The following AZIN2 variants were observed in gnomAD, a reference collection of about 807,000 sequenced individuals.
AZIN2 encodes ODC antizyme inhibitor-2.
In AZIN2, 28 loss-of-function variants were observed where a neutral mutation model predicts 47.8. The observed-to-expected ratio is 0.59, with a 90% CI of 0.43 to 0.80. The LOEUF (loss-of-function observed/expected upper bound fraction) is 0.80. Among genes scored for constraint, AZIN2 ranks in the 30% least tolerant of loss-of-function variants. AZIN2 has a pLI of 0.00. For synonymous variants in AZIN2, 221 were observed against 239.4 expected, an observed-to-expected ratio of 0.92 and a Z score of 0.71; for missense variants, 535 against 582.5, an observed-to-expected ratio of 0.92 and a Z score of 0.84.
the AZIN2 span, chr1:33,147,629 G>A: frequency 6.2e-7 from 1 of 1,614,024 alleles, no homozygotes; most frequent in Non-Finnish European, 8.5e-7. This position sits in a 1 kb window ranked among gnomAD's most constrained non-coding sequence, Gnocchi z 8.1. Context: ...TCCTGCAGTG[G>A]CTGTGGGTGC....
rs955030720 is a variant in AZIN2 at position 33,122,017 on chromosome 1, G to T, written c.*1835G>T. Among the ~76,000 whole-genome samples, 1 of 152,104 alleles carries T rather than the reference G, an allele frequency of 6.6e-6. No homozygotes were observed. The highest frequency in any genetic ancestry group is 1.5e-5 in the Non-Finnish European group (1 of 68,030). On this transcript the variant is annotated 3_prime_UTR_variant, in exon 12 of 12. Coordinates refer to ENST00000294517, the MANE Select transcript of AZIN2 (RefSeq NM_052998.4). ...AAGCTTGGGACATCAAAAGACTCAG[G>T]GCAATCAGAAAGGGTTACTCTACTA...
At chr1:33,157,254 G>T in the AZIN2 span, among the ~76,000 whole-genome samples, 1 of 152,040 alleles carries the variant, frequency 6.6e-6, no homozygotes, top group African/African-American at 2.4e-5. Context: ...CTCCAGCCAC[G>T]TTAACCTCCT....
chr1:33,092,319 C>A, intron 6 of AZIN2, 97 bp downstream of exon 6: 2 of 442,608 alleles, frequency 4.5e-6, no homozygotes, highest in Non-Finnish European at 5.8e-6. Flanking sequence ...GGAGGCTGGG[C>A]TGAGGGAAGG....
chr1:33,159,776 C>A, the AZIN2 span: 1 of 1,613,784 alleles, frequency 6.2e-7, no homozygotes, highest in Non-Finnish European at 8.5e-7. This position sits in a 1 kb window ranked among gnomAD's most constrained non-coding sequence, Gnocchi z 4.2. Context: ...CCCTCCTGGA[C>A]CTTGCGCAGC....
chr1:33,138,898 G>A, the AZIN2 span, among the ~76,000 whole-genome samples: 1 of 152,160 alleles, frequency 6.6e-6, no homozygotes, highest in East Asian at 1.9e-4. Context: ...GGAAAGGGTT[G>A]GGCTTCTACT....
chr1:33,155,292 G>A, the AZIN2 span, among the ~76,000 whole-genome samples: 1 of 151,712 alleles, frequency 6.6e-6, no homozygotes, highest in Non-Finnish European at 1.5e-5. Context: ...GGCTGGTCTC[G>A]AACTCCTGAC....
the AZIN2 span, among the ~76,000 whole-genome samples, chr1:33,153,435 C>T: frequency 6.6e-6 from 1 of 152,210 alleles, no homozygotes; most frequent in Non-Finnish European, 1.5e-5. Context: ...GGACATCTGG[C>T]AAAGTCCAGA....
intron 6 of AZIN2, 58 bp from the exon 7 acceptor site, chr1:33,093,224 G>A: frequency 6.2e-7 from 1 of 1,602,770 alleles, no homozygotes; most frequent in Non-Finnish European, 8.5e-7. Flanking sequence ...ATTGAGAGAT[G>A]TGGCTGGGGT....
At chr1:33,151,542 T>C in the AZIN2 span, among the ~76,000 whole-genome samples, 1,208 of 152,262 alleles carry the variant, frequency 7.9e-3, 14 homozygotes, top group African/African-American at 0.028. Context: ...CTTCCCCCTC[T>C]GAGAAGTCAG....
At chr1:33,127,538 G>T (rs1183955302), downstream of AZIN2, among the ~76,000 whole-genome samples, 3 of 152,246 alleles carry the variant, frequency 2.0e-5, no homozygotes, top group Admixed American at 2.0e-4. Context: ...GGACTGAGGC[G>T]GCGTGGGAAG....
Position 33,082,229 on chromosome 1 carries a change from C to A in AZIN2, c.-21C>A, listed in dbSNP as rs367740729. The A allele has an allele frequency of 1.9e-6, 3 of 1,603,778 alleles. No individual in the cohort carries two copies. The highest frequency in any genetic ancestry group is 2.2e-5 in the South Asian group (2 of 90,780). On this transcript the variant is annotated 5_prime_UTR_variant, in exon 4 of 12. Coordinates refer to ENST00000294517, the MANE Select transcript of AZIN2 (RefSeq NM_052998.4). ...GCTGCAGCAGCGGCTCCATCCAGCC[C>A]GTCAGCTCCTCCTGCAAGGCATGGC...
chr1:33,144,955 T>C, the AZIN2 span, among the ~76,000 whole-genome samples: 2 of 152,210 alleles, frequency 1.3e-5, no homozygotes, highest in Non-Finnish European at 2.9e-5. Context: ...CAATAAATTA[T>C]GTGAAATTGG....
In AZIN2 at chr1:33,121,649, C is replaced by A. The variant is rs1195654051; in HGVS notation, c.*1467C>A. ...TGTATTCAGAGTTGTGTAACCATCACCCTAGAAAGAAATCCCATACCCATT... is the reference window on the plus strand; with the variant it reads ...TGTATTCAGAGTTGTGTAACCATCAACCTAGAAAGAAATCCCATACCCATT... On this transcript the variant is annotated 3_prime_UTR_variant, in exon 12 of 12. Transcript: ENST00000294517. Among the ~76,000 whole-genome samples the A allele has an allele frequency of 6.6e-6, 1 of 152,184 alleles. No homozygotes were observed. Among genetic ancestry groups the A allele is most frequent in the Non-Finnish European group, 1.5e-5 (1 of 68,034 alleles).
downstream of AZIN2, among the ~76,000 whole-genome samples, chr1:33,127,970 C>T (rs1644868774): frequency 6.6e-6 from 1 of 152,122 alleles, no homozygotes. Flanking sequence ...CAGTTATTAG[C>T]TGTGTATCCT....
At chr1:33,145,749 G>A in the AZIN2 span, 3,731 of 407,560 alleles carry the variant, frequency 9.2e-3, 118 homozygotes, top group African/African-American at 0.069. Context: ...ATAGAGCCAA[G>A]GGGCAGGACA....
chr1:33,126,617 C>T (rs1466142003), downstream of AZIN2, among the ~76,000 whole-genome samples: 2 of 152,108 alleles, frequency 1.3e-5, no homozygotes, highest in African/African-American at 4.8e-5. Flanking sequence ...CATTGACTGG[C>T]ATGAGCTGGG....
chr1:33,110,752 G>A (rs1436294658), intron 10 of AZIN2, among the ~76,000 whole-genome samples: 1 of 152,168 alleles, frequency 6.6e-6, no homozygotes, highest in African/African-American at 2.4e-5. Flanking sequence ...AAGGCATAAT[G>A]TCCAATCATA....
intron 10 of AZIN2, chr1:33,102,026 G>T (rs752274715): frequency 2.1e-5 from 13 of 632,282 alleles, no homozygotes; most frequent in Middle Eastern, 2.6e-4. Flanking sequence ...GAGTGAGCAA[G>T]GAGTGGAATG....
chr1:33,119,811 G>A (rs377699242), intron 11 of AZIN2: 21 of 587,092 alleles, frequency 3.6e-5, no homozygotes, highest in African/African-American at 2.6e-4. Flanking sequence ...CTGGCATGAT[G>A]TCTGGCATGT....
Sources: allele counts gnomAD v4.1 joint callset (sites outside exome capture counted in the v4.1 genomes callset), GRCh38; gene constraint gnomAD v4.1.1; non-coding constraint Gnocchi (gnomAD v3.1); transcripts MANE v1.5; gene names NCBI Gene and HGNC (gene_info 2026-07-23, HGNC 2026-07-21).